Variants in ADGRE5 observed in about 807,000 individuals in gnomAD.
ADGRE5 encodes CD97 molecule.
A neutral mutation model predicts 100.3 loss-of-function variants in ADGRE5; 72 were observed. The observed-to-expected ratio is 0.72, with a 90% CI of 0.59 to 0.87. ADGRE5 has a LOEUF of 0.87. ADGRE5 is among the 40% of genes least tolerant of loss of function. The probability of loss-of-function intolerance (pLI) is 0.00; values close to 1 mark genes in which losing one functional copy is unlikely to be tolerated. For missense variants in ADGRE5, 959 were observed against 1,094.7 expected (o/e 0.88, Z 1.75); for synonymous variants, 439 against 447.8 (o/e 0.98, Z 0.25).
intron 13 of ADGRE5, 27 bp downstream of exon 13, chr19:14,404,589 G>A: frequency 6.2e-7 from 1 of 1,603,742 alleles, no homozygotes; most frequent in Non-Finnish European, 8.5e-7. Flanking sequence ...ATCCTCAAGT[G>A]CCCACAGGTA....
intron 3 of ADGRE5, among the ~76,000 whole-genome samples, chr19:14,390,062 G>A (rs1259761759): frequency 2.2e-5 from 3 of 138,810 alleles, no homozygotes; most frequent in Non-Finnish European, 4.7e-5. Flanking sequence ...GGCAACAAGA[G>A]TGAAACTCTG....
chr19:14,391,401 G>T (rs964349491), intron 4 of ADGRE5: 1 of 316,228 alleles, frequency 3.2e-6, no homozygotes, highest in Non-Finnish European at 6.0e-6. Flanking sequence ...TGCTTTGGGA[G>T]GCTGAGGCGG....
Position 14,397,861 on chromosome 19 carries a change from AATGAGCCGCTTG to A in ADGRE5, c.773-27_773-16del, listed in dbSNP as rs1414165661. The A allele has an allele frequency of 1.5e-6, 1 of 683,120 alleles. No individual in the cohort carries two copies. The highest frequency in any genetic ancestry group is 5.0e-5 in the African/African-American group (1 of 19,846). 42.3% of individuals were successfully genotyped at this position (683,120 alleles called of 1,614,324 possible). A position where few individuals can be genotyped will look rare whatever the true frequency, so the allele number is the denominator to read the frequency against. ...CAGCACACACACTGACAAGCGGCCTAATGAGCCGCTTGTCTTGTTCCCTACAGATATGACTTT... is the reference window on the plus strand; with the variant it reads ...CAGCACACACACTGACAAGCGGCCTATCTTGTTCCCTACAGATATGACTTT... On this transcript the variant is annotated splice_polypyrimidine_tract_variant and intron_variant, in intron 7 of 19. Coordinates refer to ENST00000242786, the MANE Select transcript of ADGRE5 (RefSeq NM_078481.4).
rs760975172 is a variant in ADGRE5 at position 14,396,460 on chromosome 19, G to A, written c.465G>A (p.Pro155=). Residue 155 remains proline (P), a synonymous_variant, in exon 5 of 20, where the codon CCG becomes CCA. Transcript: ENST00000242786. ...LPGFKFIPED[P]KVCTDVNECT... ...GCTTCAAGTTCATACCTGAGGATCC[G>A]AAGGTCTGCACAGGTAGAGGCCCCA... 2.8e-5 allele frequency: 46 copies of A among 1,614,164 alleles called. No individual in the cohort carries two copies. The South Asian group carries it at 3.7e-4, about 13-fold the overall frequency.
chr19:14,388,537 C>G, intron 2 of ADGRE5, 37 bp downstream of exon 2: 1 of 1,559,796 alleles, frequency 6.4e-7, no homozygotes, highest in Non-Finnish European at 8.7e-7. Flanking sequence ...CAGTCCACAG[C>G]CAGAGCCTGG....
intron 11 of ADGRE5, among the ~76,000 whole-genome samples, chr19:14,402,114 T>C (rs1976037338): frequency 7.5e-6 from 1 of 133,182 alleles, no homozygotes; most frequent in African/African-American, 2.9e-5. Flanking sequence ...CTGGACGACA[T>C]AGTGAGACCC....
chr19:14,399,858 G>C (rs1975941833), intron 9 of ADGRE5, among the ~76,000 whole-genome samples: 1 of 152,016 alleles, frequency 6.6e-6, no homozygotes, highest in South Asian at 2.1e-4. Context: ...GTTAGTTTTA[G>C]AGATACGGTC....
chr19:14,405,694 G>A (rs1383272666), intron 13 of ADGRE5, 54 bp from the exon 14 acceptor site: 1 of 1,357,622 alleles, frequency 7.4e-7, no homozygotes, highest in African/African-American at 1.4e-5. Context: ...CCACAAAGAG[G>A]GCAGGAAGGC....
At position 14,406,808 on chromosome 19, in the gene ADGRE5, G is replaced by C. The variant is rs370075764; in HGVS notation, c.2115+42G>C. The C allele has an allele frequency of 3.8e-5, 62 of 1,611,842 alleles. No homozygotes were observed. In the African/African-American group the frequency reaches 7.3e-4, roughly 19 times the overall value. ...CCTCCACCGAAGCCCGAGCGCCACA[G>C]GCCCAGGCCCGGCTGGACCATCGCT... On this transcript the variant is annotated intron_variant, in intron 16 of 19. Coordinates refer to ENST00000242786, the MANE Select transcript of ADGRE5 (RefSeq NM_078481.4). This position sits in a 1 kb window ranked among gnomAD's most constrained non-coding sequence, Gnocchi z 6.0.
chr19:14,387,159 A>G (rs1277464882), intron 1 of ADGRE5, among the ~76,000 whole-genome samples: 3 of 152,156 alleles, frequency 2.0e-5, no homozygotes, highest in Non-Finnish European at 2.9e-5. Context: ...TATTCTACAG[A>G]GGGAAACTGA....
Position 14,406,272 on chromosome 19 carries a change from G to A in ADGRE5, c.1822-59G>A. On this transcript the variant is annotated intron_variant, in intron 14 of 19. Transcript: ENST00000242786. This position sits in a 1 kb window ranked among gnomAD's most constrained non-coding sequence, Gnocchi z 6.0. ...CGGGACCTGGCAGGCGACTGGCTCTGGCGCCGCATGCCCCTCCCCGCGCTG... is the reference window on the plus strand; with the variant it reads ...CGGGACCTGGCAGGCGACTGGCTCTAGCGCCGCATGCCCCTCCCCGCGCTG... 6.7e-6 allele frequency: 9 copies of A among 1,335,192 alleles called. 1 individual carries two copies. The South Asian group carries it at 1.2e-4, about 18-fold the overall frequency. 82.7% of individuals were successfully genotyped at this position (1,335,192 alleles called of 1,614,324 possible).
intron 19 of ADGRE5, 30 bp from the exon 20 acceptor site, chr19:14,408,062 G>C: frequency 6.2e-7 from 1 of 1,614,120 alleles, no homozygotes; most frequent in Middle Eastern, 1.7e-4. Flanking sequence ...AGGGCTAGCG[G>C]GGCTCAGGCC....
At chr19:14,392,470 T>A (rs1328228019) in intron 4 of ADGRE5, among the ~76,000 whole-genome samples, 2 of 152,008 alleles carry the variant, frequency 1.3e-5, no homozygotes, top group Non-Finnish European at 2.9e-5. Flanking sequence ...CCAGGCTGAG[T>A]CCTTATCTTT....
intron 12 of ADGRE5, 100 bp from the exon 13 acceptor site, chr19:14,404,283 A>T: frequency 9.3e-7 from 1 of 1,074,328 alleles, no homozygotes; most frequent in Non-Finnish European, 1.3e-6. Flanking sequence ...CTCGGTCAAT[A>T]CTCATCTAGT....
At position 14,408,595 on chromosome 19, in the gene ADGRE5, A is replaced by G; in HGVS notation, c.*474A>G. 1 of 443,476 alleles carries G rather than the reference A, an allele frequency of 2.3e-6. No individual in the cohort carries two copies. Among genetic ancestry groups the G allele is most frequent in the South Asian group, 3.9e-5 (1 of 25,732 alleles). 27.5% of individuals were successfully genotyped at this position (443,476 alleles called of 1,614,324 possible). On this transcript the variant is annotated 3_prime_UTR_variant, in exon 20 of 20. Coordinates refer to ENST00000242786, the MANE Select transcript of ADGRE5 (RefSeq NM_078481.4). ...GGCCACTGCCTGAGGCTCACGGTAC[A>G]GAGGCCTGCCCTGCCTGGCCGGGCA...
In ADGRE5 at chr19:14,397,662, G is replaced by A. The variant is rs780454808; in HGVS notation, c.630G>A (p.Val210=). The A allele has an allele frequency of 1.9e-6, 3 of 1,551,584 alleles. No homozygotes were observed. Among genetic ancestry groups the A allele is most frequent in the African/African-American group, 2.8e-5 (2 of 71,546 alleles). The change falls in exon 7 of 20, where the codon GTG becomes GTA. Residue 210 remains valine, a synonymous_variant. Transcript: ENST00000242786. ...NGPNNTVCED[V]DECSSGQHQC... The stretch of plus-strand genomic sequence containing the variant: ...CCCCCTTCTTCCTGTCCTCAGATGT[G>A]GACGAGTGCAGCTCCGGGCAGCATC...
At position 14,401,900 on chromosome 19, in the gene ADGRE5, G is replaced by T; in HGVS notation, c.1183+140G>T. Reference sequence around the variant, plus strand: ...AATCCCAGCATTTTGGGAGGCCCAGGTGGGTAGATCGCTTGAGCTCAGAAG... The same window carrying T: ...AATCCCAGCATTTTGGGAGGCCCAGTTGGGTAGATCGCTTGAGCTCAGAAG... On this transcript the variant is annotated intron_variant, in intron 11 of 19. Transcript: ENST00000242786. The surrounding 1 kb of genome is among the most constrained non-coding windows in gnomAD (Gnocchi z 4.1). 1 of 535,168 alleles carries T rather than the reference G, an allele frequency of 1.9e-6. No homozygotes were observed. The highest frequency in any genetic ancestry group is 3.2e-6 in the Non-Finnish European group (1 of 312,288). The allele number at this position is 535,168 out of a possible 1,614,324, so 33.2% of individuals were successfully genotyped here.
At position 14,397,174 on chromosome 19, in the gene ADGRE5, G is replaced by C. The variant is rs1975811010; in HGVS notation, c.576G>C (p.Trp192Cys). The C allele has an allele frequency of 6.2e-7, 1 of 1,614,104 alleles. No homozygotes were observed. Among genetic ancestry groups the C allele is most frequent in the Non-Finnish European group, 8.5e-7 (1 of 1,180,012 alleles). ...ATCAGTGCCGCTGCCGCCCGGGCTGGCAACCGATTCCGGGGTCCCCCAATG... is the reference window on the plus strand; with the variant it reads ...ATCAGTGCCGCTGCCGCCCGGGCTGCCAACCGATTCCGGGGTCCCCCAATG... ...GSYQCRCRPG[W>C]QPIPGSPNGP... The change falls in exon 6 of 20, where the codon TGG becomes TGC. Residue 192 changes from tryptophan to cysteine, a missense_variant. By Grantham distance (215) the Trp-to-Cys change is radical. Transcript: ENST00000242786.
intron 17 of ADGRE5, 26 bp from the exon 18 acceptor site, chr19:14,407,035 C>A: frequency 6.2e-7 from 1 of 1,613,752 alleles, no homozygotes; most frequent in Non-Finnish European, 8.5e-7. Context: ...AGGTGGGGGC[C>A]CACGCTGCAA....
Sources: allele counts gnomAD v4.1 joint callset (sites outside exome capture counted in the v4.1 genomes callset), GRCh38; gene constraint gnomAD v4.1.1; non-coding constraint Gnocchi (gnomAD v3.1); transcripts MANE v1.5; gene names NCBI Gene and HGNC (gene_info 2026-07-23, HGNC 2026-07-21).